Variants in BICC1 observed in about 807,000 individuals in gnomAD.
BICC1 encodes BicC family RNA binding protein 1.
A neutral mutation model predicts 111.0 loss-of-function variants in BICC1; 43 were observed. That is an observed-to-expected ratio of 0.39 (90% confidence interval 0.30 to 0.50). The LOEUF (loss-of-function observed/expected upper bound fraction) is 0.50. Among genes scored for constraint, BICC1 ranks in the 20% least tolerant of loss-of-function variants. BICC1 has a pLI of 0.88. For missense variants in BICC1, 1,091 were observed against 1,203.2 expected (o/e 0.91, Z 1.38); for synonymous variants, 467 against 434.4 (o/e 1.07, Z -0.93).
Position 58,769,404 on chromosome 10 carries a change from G to GTA in BICC1, c.308-15576_308-15575dup, listed in dbSNP as rs59606054. 8.9e-3 allele frequency among the ~76,000 whole-genome samples: 972 copies of GTA among 109,722 alleles called. 17 individuals carry two copies. Among genetic ancestry groups the GTA allele is most frequent in the African/African-American group, 0.011 (346 of 31,396 alleles). The allele number at this position is 109,722 out of a possible 152,430, so 72.0% of individuals were successfully genotyped here. The stretch of plus-strand genomic sequence containing the variant: ...TGTGTGTGTGTGTGTGTGTGTGTGT[G>GTA]TATATATATATATATATATATAATC... On this transcript the variant is annotated intron_variant, in intron 3 of 20. Coordinates refer to ENST00000373886, the MANE Select transcript of BICC1 (RefSeq NM_001080512.3).
At chr10:58,665,845 T>G (rs925756635) in intron 2 of BICC1, among the ~76,000 whole-genome samples, 2 of 152,238 alleles carry the variant, frequency 1.3e-5, no homozygotes, top group Non-Finnish European at 2.9e-5. Context: ...TTATCATTTC[T>G]GATCTCTAAT....
intron 1 of BICC1, among the ~76,000 whole-genome samples, chr10:58,607,834 G>A (rs1261967190): frequency 2.6e-5 from 4 of 152,166 alleles, no homozygotes; most frequent in East Asian, 1.9e-4. Context: ...AGTACAGTCC[G>A]TAACAGGTAG....
intron 3 of BICC1, among the ~76,000 whole-genome samples, chr10:58,780,964 G>T (rs1481912257): frequency 6.6e-6 from 1 of 151,984 alleles, no homozygotes; most frequent in Non-Finnish European, 1.5e-5. Context: ...ATGTTCAAAG[G>T]TTTAACATTT....
chr10:58,682,800 G>C (rs1037613551), intron 2 of BICC1, among the ~76,000 whole-genome samples: 31 of 152,316 alleles, frequency 2.0e-4, no homozygotes, highest in Non-Finnish European at 3.8e-4. Context: ...CAGATAGGTA[G>C]ATTGTGAAAA....
chr10:58,743,044 C>G (rs1209035018), intron 3 of BICC1, among the ~76,000 whole-genome samples: 1 of 152,112 alleles, frequency 6.6e-6, no homozygotes, highest in Non-Finnish European at 1.5e-5. Flanking sequence ...TCATTTTTGC[C>G]AGGTGGCAAT....
chr10:58,741,352 A>G (rs1374725038), intron 3 of BICC1, among the ~76,000 whole-genome samples: 1 of 152,220 alleles, frequency 6.6e-6, no homozygotes, highest in East Asian at 1.9e-4. Flanking sequence ...TAACAGCCCC[A>G]TGAAAGAAGT....
intron 2 of BICC1, among the ~76,000 whole-genome samples, chr10:58,694,251 A>T (rs1235920541): frequency 6.6e-6 from 1 of 152,072 alleles, no homozygotes; most frequent in East Asian, 1.9e-4. Context: ...TTTTTGTAAA[A>T]TGCCACGTGG....
chr10:58,794,752 A>T (rs1843297198), intron 9 of BICC1, among the ~76,000 whole-genome samples: 4 of 152,196 alleles, frequency 2.6e-5, no homozygotes, highest in Non-Finnish European at 5.9e-5. Flanking sequence ...GCTAGTAAGA[A>T]TGAGGAAAGA....
chr10:58,584,454 G>T (rs528891626), intron 1 of BICC1, among the ~76,000 whole-genome samples: 1 of 152,122 alleles, frequency 6.6e-6, no homozygotes, highest in African/African-American at 2.4e-5. Flanking sequence ...TATCTGGTGC[G>T]CTCCTCTGAC....
At chr10:58,694,102 A>G (rs1333688181) in intron 2 of BICC1, among the ~76,000 whole-genome samples, 1 of 152,164 alleles carries the variant, frequency 6.6e-6, no homozygotes, top group Non-Finnish European at 1.5e-5. Flanking sequence ...AATAATCAGC[A>G]ATGTCAGCAT....
At chr10:58,825,234 G>A (rs1187473383) in intron 20 of BICC1, among the ~76,000 whole-genome samples, 4 of 152,086 alleles carry the variant, frequency 2.6e-5, no homozygotes, top group Non-Finnish European at 5.9e-5. Flanking sequence ...GCAGAGCCAT[G>A]GGGGCTGTGG....
chr10:58,820,974 G>A (rs1844236218), intron 20 of BICC1, among the ~76,000 whole-genome samples: 1 of 152,084 alleles, frequency 6.6e-6, no homozygotes, highest in Non-Finnish European at 1.5e-5. Flanking sequence ...TGAGTCACAG[G>A]ACATAGTATC....
intron 3 of BICC1, among the ~76,000 whole-genome samples, chr10:58,706,213 A>C (rs1179630491): frequency 1.3e-5 from 2 of 152,222 alleles, no homozygotes; most frequent in Non-Finnish European, 2.9e-5. Context: ...ACTCATTAAA[A>C]TTTTGAACAT....
intron 1 of BICC1, among the ~76,000 whole-genome samples, chr10:58,517,448 T>G (rs1293325537): frequency 1.3e-5 from 2 of 152,194 alleles, no homozygotes; most frequent in Admixed American, 1.3e-4. Flanking sequence ...TTTAAAATGA[T>G]TTGATGAACA....
At chr10:58,657,923 A>G (rs1838712104) in intron 2 of BICC1, among the ~76,000 whole-genome samples, 1 of 152,158 alleles carries the variant, frequency 6.6e-6, no homozygotes, top group African/African-American at 2.4e-5. Flanking sequence ...TTATTGTTAG[A>G]GGAGTGAATT....
intron 3 of BICC1, among the ~76,000 whole-genome samples, chr10:58,756,515 A>G (rs1371182885): frequency 6.6e-6 from 1 of 152,134 alleles, no homozygotes; most frequent in Non-Finnish European, 1.5e-5. Context: ...AGGACACCCA[A>G]GAGTCCTGTT....
chr10:58,679,437 A>G (rs1564548916), intron 2 of BICC1, among the ~76,000 whole-genome samples: 2 of 152,220 alleles, frequency 1.3e-5, no homozygotes, highest in South Asian at 4.1e-4. Context: ...GTTATCTAGA[A>G]GAAATGGATA....
chr10:58,610,289 T>G (rs1276852195), intron 1 of BICC1, among the ~76,000 whole-genome samples: 2 of 152,116 alleles, frequency 1.3e-5, no homozygotes, highest in African/African-American at 4.8e-5. Flanking sequence ...GTGCCCTGAG[T>G]GTGACAGGGT....
At chr10:58,625,925 A>G (rs749217833) in intron 2 of BICC1, among the ~76,000 whole-genome samples, 12 of 152,202 alleles carry the variant, frequency 7.9e-5, no homozygotes, top group Non-Finnish European at 1.5e-4. Context: ...AGTAATGGAT[A>G]TAAGTTTTGG....
Sources: gnomAD v4.1 joint callset for allele counts (sites outside exome capture counted in the v4.1 genomes callset) on GRCh38, gnomAD v4.1.1 for gene constraint, MANE v1.5 for transcripts, NCBI Gene and HGNC (gene_info 2026-07-23, HGNC 2026-07-21) for gene names.